Variants in FKBP8 observed in about 807,000 individuals in gnomAD.
FKBP8 encodes FKBP prolyl isomerase 8.
Under a neutral mutation model 41.7 loss-of-function variants are expected in FKBP8, and 5 were observed. The ratio of observed to expected loss-of-function variants is 0.12; its 90% CI spans 0.06 to 0.25. The LOEUF is 0.25. Ranked by LOEUF, FKBP8 falls within the 10% of genes least tolerant of loss-of-function variation. The probability of loss-of-function intolerance (pLI) is 1.00; values close to 1 mark genes in which losing one functional copy is unlikely to be tolerated. For synonymous variants in FKBP8, 279 were observed against 254.5 expected (o/e 1.10, Z -0.92); for missense variants, 397 against 563.0 (o/e 0.71, Z 2.98).
In FKBP8 at chr19:18,531,797, G is replaced by A. The variant is rs1336864821; in HGVS notation, c.*372C>T. 8.0e-6 allele frequency: 2 copies of A among 249,640 alleles called. No individual in the cohort carries two copies. The highest frequency in any genetic ancestry group is 2.2e-5 in the African/African-American group (1 of 45,472). The allele number at this position is 249,640 out of a possible 1,614,324, so 15.5% of individuals were successfully genotyped here. On this transcript the variant is annotated 3_prime_UTR_variant, in exon 9 of 9. Transcript: ENST00000608443. The stretch of plus-strand genomic sequence containing the variant: ...GGATGCTTTATTTCACTGTGGCGGG[G>A]AGGGAACCTGGACAGGGGGCGGCAG...
At position 18,539,728 on chromosome 19, in the gene FKBP8, G is replaced by A; in HGVS notation, c.293-8C>T. 3 of 1,605,056 alleles carry A rather than the reference G, an allele frequency of 1.9e-6. No individual in the cohort carries two copies. Among genetic ancestry groups the A allele is most frequent in the Non-Finnish European group, 2.5e-6 (3 of 1,179,780 alleles). The stretch of plus-strand genomic sequence containing the variant: ...TCCTCAACAGCCCGTTCCCTGCCAG[G>A]GTCCAGGGACATGCAGCCTGTCACC... On this transcript the variant is annotated splice_polypyrimidine_tract_variant and splice_region_variant and intron_variant, in intron 2 of 8. Transcript: ENST00000608443.
intron 6 of FKBP8, among the ~76,000 whole-genome samples, chr19:18,534,284 G>T (rs577995488): frequency 6.6e-6 from 1 of 152,284 alleles, no homozygotes; most frequent in East Asian, 1.9e-4. Context: ...TCCAGCCTGG[G>T]CGACAGAGCG....
rs747037801 is a variant in FKBP8, at chr19:18,537,688, G to C, written c.858C>G (p.Leu286=). The C allele has an allele frequency of 1.2e-6, 2 of 1,613,972 alleles. No individual in the cohort carries two copies. The highest frequency in any genetic ancestry group is 1.7e-6 in the Non-Finnish European group (2 of 1,179,984). The part of the protein sequence containing the change: ...LNNLAASQLK[L]DHYRAALRSC... The stretch of plus-strand genomic sequence containing the variant: ...AGCGCAGGGCTGCGCGGTAGTGGTC[G>C]AGCTTCAGCTGCGAGGCCGCCAGGT... Residue 286 remains leucine (L), a synonymous_variant, in exon 6 of 9, where the codon CTC becomes CTG. Coordinates refer to ENST00000608443, the MANE Select transcript of FKBP8 (RefSeq NM_012181.5). This position sits in a 1 kb window ranked among gnomAD's most constrained non-coding sequence, Gnocchi z 4.4.
At chr19:18,540,692 T>C (rs1372946118) in intron 2 of FKBP8, among the ~76,000 whole-genome samples, 3 of 152,174 alleles carry the variant, frequency 2.0e-5, no homozygotes, top group Non-Finnish European at 4.4e-5. Context: ...GCCAATGTGG[T>C]GAAACCCTGT....
chr19:18,532,928 GGC>G lies in FKBP8; in HGVS notation c.1024-135_1024-134del, dbSNP rs1447637421. 7 of 1,428,556 alleles carry G rather than the reference GGC, an allele frequency of 4.9e-6. No individual in the cohort carries two copies. The African/African-American group carries it at 5.7e-5, about 12-fold the overall frequency. 88.5% of individuals were successfully genotyped at this position (1,428,556 alleles called of 1,614,324 possible). ...CAGGGGTCCCATCTGCCCCTTTCTG[GGC>G]TTAGCAAAGTCAGGGCTGCTGACCC... On this transcript the variant is annotated intron_variant, in intron 7 of 8. Coordinates refer to ENST00000608443, the MANE Select transcript of FKBP8 (RefSeq NM_012181.5).
chr19:18,533,213 G>T, intron 7 of FKBP8, 57 bp downstream of exon 7: 3 of 1,456,558 alleles, frequency 2.1e-6, no homozygotes, highest in South Asian at 2.6e-5. Flanking sequence ...ACCTGGGGCA[G>T]ACCGCAGGAG....
At chr19:18,535,272 A>C (rs924035325) in intron 6 of FKBP8, among the ~76,000 whole-genome samples, 1 of 151,916 alleles carries the variant, frequency 6.6e-6, no homozygotes, top group Non-Finnish European at 1.5e-5. Context: ...TGCTGCCAAG[A>C]CTGGTCTTGA....
intron 1 of FKBP8, 162 bp downstream of exon 1, chr19:18,543,324 C>T (rs1248706657): frequency 8.3e-6 from 1 of 120,798 alleles, no homozygotes; most frequent in African/African-American, 3.2e-5. Context: ...CCGGCCGCGC[C>T]CCCTCGGGCA....
intron 4 of FKBP8, among the ~76,000 whole-genome samples, chr19:18,539,106 G>A (rs953405642): frequency 6.6e-6 from 1 of 152,052 alleles, no homozygotes; most frequent in African/African-American, 2.4e-5. Flanking sequence ...AAGCCACCAC[G>A]CCCGGCCCAC....
chr19:18,539,406 A>G lies in FKBP8; in HGVS notation c.516T>C (p.Thr172=). The G allele has an allele frequency of 6.2e-7, 1 of 1,613,608 alleles. No individual in the cohort carries two copies. Among genetic ancestry groups the G allele is most frequent in the Non-Finnish European group, 8.5e-7 (1 of 1,180,000 alleles). The change falls in exon 4 of 9, where the codon ACT becomes ACC. Residue 172 remains threonine (T), a synonymous_variant. Transcript: ENST00000608443. Reference sequence around the variant, plus strand: ...GGCCGTAGCAGTACTTGGAGTCAGCAGTGACCATGGCCGTCTCCCCCACGT... The same window carrying G: ...GGCCGTAGCAGTACTTGGAGTCAGCGGTGACCATGGCCGTCTCCCCCACGT... ...LMDVGETAMV[T]ADSKYCYGPQ... is the part of the protein sequence containing the mutation.
chr19:18,535,149 G>A (rs909747982), intron 6 of FKBP8, among the ~76,000 whole-genome samples: 1 of 151,964 alleles, frequency 6.6e-6, no homozygotes, highest in East Asian at 1.9e-4. Context: ...CGAACTCCTG[G>A]GCTCAACCAA....
intron 2 of FKBP8, among the ~76,000 whole-genome samples, chr19:18,541,296 C>T (rs745841006): frequency 2.0e-4 from 30 of 152,156 alleles, no homozygotes; most frequent in Admixed American, 8.5e-4. Context: ...GTTGGGGTCT[C>T]GCTGTGTTGC....
At chr19:18,539,507 A>T in intron 3 of FKBP8, 44 bp downstream of exon 3, 1 of 1,611,484 alleles carries the variant, frequency 6.2e-7, no homozygotes, top group South Asian at 1.1e-5. Flanking sequence ...CAGACCCAGC[A>T]AGGCACGCCC....
Position 18,532,775 on chromosome 19 carries a change from T to C in FKBP8, c.1044A>G (p.Ser348=). 5 of 1,614,022 alleles carry C rather than the reference T, an allele frequency of 3.1e-6. No homozygotes were observed. In the South Asian group the frequency reaches 5.5e-5, roughly 18 times the overall value. The change falls in exon 8 of 9, where the codon TCA becomes TCG. Residue 348 remains serine (S), a synonymous_variant. Transcript: ENST00000608443. ...GCGCCGCATGCTTCTTCACCAGCTT[T>C]GAGAGCTCTGCGTGGATCGTCTGCA... ...PSNKTIHAEL[S]KLVKKHAAQR...
chr19:18,534,406 A>T (rs1976522349), intron 6 of FKBP8, among the ~76,000 whole-genome samples: 1 of 152,152 alleles, frequency 6.6e-6, no homozygotes, highest in Admixed American at 6.6e-5. Flanking sequence ...AGCCACTCCC[A>T]AACTGCTCTC....
chr19:18,535,812 G>A (rs1001682881), intron 6 of FKBP8, among the ~76,000 whole-genome samples: 4 of 151,896 alleles, frequency 2.6e-5, no homozygotes, highest in Non-Finnish European at 5.9e-5. Flanking sequence ...CCTGAGAGAG[G>A]AGCCGGCCCA....
Position 18,537,683 on chromosome 19 carries a change from T to C in FKBP8, c.863A>G (p.His288Arg). Residue 288 changes from histidine to arginine, a missense_variant, in exon 6 of 9, where the codon CAC becomes CGC. Around this residue, in one of 2 missense-constraint regions of FKBP8, gnomAD observed 225 missense variants for 366.8 expected, o/e 0.61. Coordinates refer to ENST00000608443, the MANE Select transcript of FKBP8 (RefSeq NM_012181.5). The surrounding 1 kb of genome is among the most constrained non-coding windows in gnomAD (Gnocchi z 4.4). ...NLAASQLKLDHYRAALRSCSL... is the reference protein window; with the variant it reads ...NLAASQLKLDRYRAALRSCSL... ...GCAGGAGCGCAGGGCTGCGCGGTAGTGGTCGAGCTTCAGCTGCGAGGCCGC... is the reference window on the plus strand; with the variant it reads ...GCAGGAGCGCAGGGCTGCGCGGTAGCGGTCGAGCTTCAGCTGCGAGGCCGC... The C allele has an allele frequency of 1.2e-6, 2 of 1,613,942 alleles. No homozygotes were observed. The highest frequency in any genetic ancestry group is 1.7e-6 in the Non-Finnish European group (2 of 1,179,976).
rs1038207435 is a variant in FKBP8 at position 18,541,695 on chromosome 19, C to T, written c.276G>A (p.Glu92=). 3 of 1,609,288 alleles carry T rather than the reference C, an allele frequency of 1.9e-6. No homozygotes were observed. Among genetic ancestry groups the T allele is most frequent in the Admixed American group, 3.3e-5 (2 of 59,840 alleles). The change falls in exon 2 of 9, where the codon GAG becomes GAA. Residue 92 remains glutamate, a synonymous_variant. Coordinates refer to ENST00000608443, the MANE Select transcript of FKBP8 (RefSeq NM_012181.5). ...GCTCCTTACCCAGAATGTCCAGCCACTCTTCTGGGGCCGGGGCTGGGGCGG... is the reference window on the plus strand; with the variant it reads ...GCTCCTTACCCAGAATGTCCAGCCATTCTTCTGGGGCCGGGGCTGGGGCGG... ...PEPAPAPAPE[E]WLDILGNGLL...
intron 2 of FKBP8, among the ~76,000 whole-genome samples, chr19:18,540,604 G>C (rs1400661711): frequency 6.6e-6 from 1 of 152,100 alleles, no homozygotes; most frequent in African/African-American, 2.4e-5. Context: ...AGGTGTGCTG[G>C]CTCACACCTG....
Sources: gnomAD v4.1 joint callset for allele counts (sites outside exome capture counted in the v4.1 genomes callset) on GRCh38, gnomAD v4.1.1 for gene constraint, gnomAD v4.1.1 regional missense constraint, Gnocchi (gnomAD v3.1) non-coding constraint, MANE v1.5 for transcripts, NCBI Gene and HGNC (gene_info 2026-07-23, HGNC 2026-07-21) for gene names.